The following GLI3 variants were observed in gnomAD, a reference collection of about 807,000 sequenced individuals.
GLI3 encodes GLI family zinc finger 3.
In GLI3, 20 loss-of-function variants were observed where a neutral mutation model predicts 100.8. The ratio of observed to expected loss-of-function variants is 0.20; its 90% CI spans 0.14 to 0.29. The LOEUF (loss-of-function observed/expected upper bound fraction) is 0.29. Among genes scored for constraint, GLI3 ranks in the 10% least tolerant of loss-of-function variants. The probability of loss-of-function intolerance (pLI) is 1.00; values close to 1 mark genes in which losing one functional copy is unlikely to be tolerated. For missense variants in GLI3, 2,040 were observed against 2,128.5 expected (o/e 0.96, Z 0.82); for synonymous variants, 938 against 860.5 (o/e 1.09, Z -1.58).
intron 10 of GLI3, among the ~76,000 whole-genome samples, chr7:42,012,858 C>G (rs1788657537): frequency 6.6e-6 from 1 of 152,162 alleles, no homozygotes. Context: ...CCAGAGGAAC[C>G]TGTGCAAACT....
At chr7:42,068,434 G>A (rs1473346263) in intron 4 of GLI3, among the ~76,000 whole-genome samples, 1 of 152,118 alleles carries the variant, frequency 6.6e-6, no homozygotes. Context: ...AGTTTTCTCA[G>A]AGCTCCAAGG....
At chr7:42,250,766 G>C (rs79744695) in intron 1 of GLI3, among the ~76,000 whole-genome samples, 9,760 of 152,236 alleles carry the variant, frequency 0.064, 432 homozygotes, top group Non-Finnish European at 0.096. Context: ...AAAGGCGGGT[G>C]GGGGGGCTGC....
intron 2 of GLI3, among the ~76,000 whole-genome samples, chr7:42,189,677 T>A (rs1787786998): frequency 6.6e-6 from 1 of 152,148 alleles, no homozygotes; most frequent in Non-Finnish European, 1.5e-5. Context: ...GGAAACAGGC[T>A]CAAAACACAG....
At chr7:42,076,946 T>C (rs1252924118) in intron 3 of GLI3, 89 bp from the exon 4 acceptor site, 2 of 788,198 alleles carry the variant, frequency 2.5e-6, no homozygotes, top group Non-Finnish European at 4.5e-6. Context: ...TACTATTGTA[T>C]CTTCACTACC....
At chr7:42,004,931 G>A (rs922699495) in intron 10 of GLI3, among the ~76,000 whole-genome samples, 1 of 152,082 alleles carries the variant, frequency 6.6e-6, no homozygotes, top group Non-Finnish European at 1.5e-5. Flanking sequence ...AATTATATCT[G>A]AAAGGAACAA....
intron 12 of GLI3, 75 bp downstream of exon 12, chr7:41,977,483 C>A: frequency 4.1e-6 from 6 of 1,447,522 alleles, no homozygotes; most frequent in Non-Finnish European, 3.9e-6. Context: ...GAACACACTG[C>A]GCCTTCCCAT....
chr7:42,239,984 T>C (rs1019946229), upstream of GLI3, among the ~76,000 whole-genome samples: 4 of 152,190 alleles, frequency 2.6e-5, no homozygotes, highest in Admixed American at 6.5e-5. Flanking sequence ...GAAGAGTTAT[T>C]ATGGTTGAAA....
chr7:42,223,208 CT>C lies in GLI3; in HGVS notation c.45del (p.Val16LeufsTer5). The stretch of plus-strand genomic sequence containing the variant: ...GAGCACTTCACTATGGAATTCTCAA[CT>C]TTTTTCTTTTCAGTGGTCGTGGAGC... ...SHSSTTTEKKKVENSIVKCST... is the reference protein window; with the variant it reads ...SHSSTTTEKKXVENSIVKCST... On this transcript the variant is annotated frameshift_variant, in exon 2 of 15. Transcript: ENST00000395925. LOFTEE classifies it high-confidence loss of function. 1.2e-6 allele frequency: 2 copies of C among 1,613,914 alleles called. No individual in the cohort carries two copies. The highest frequency in any genetic ancestry group is 1.7e-6 in the Non-Finnish European group (2 of 1,179,888).
intron 1 of GLI3, among the ~76,000 whole-genome samples, chr7:42,246,657 A>C (rs953586540): frequency 6.6e-6 from 1 of 152,080 alleles, no homozygotes; most frequent in African/African-American, 2.4e-5. Flanking sequence ...CATTGGACTC[A>C]TGACTTGCAA....
At chr7:42,184,664 A>G (rs1279327948) in intron 2 of GLI3, among the ~76,000 whole-genome samples, 1 of 152,182 alleles carries the variant, frequency 6.6e-6, no homozygotes, top group African/African-American at 2.4e-5. Context: ...AGAGACACAG[A>G]CACCCTTTAG....
chr7:42,115,938 T>C (rs1227825589), intron 3 of GLI3, among the ~76,000 whole-genome samples: 1 of 152,056 alleles, frequency 6.6e-6, no homozygotes, highest in East Asian at 1.9e-4. Context: ...ATAGAGATTG[T>C]TGTGGGTTGT....
chr7:41,987,374 G>A (rs747815766), intron 10 of GLI3, among the ~76,000 whole-genome samples: 10 of 152,044 alleles, frequency 6.6e-5, no homozygotes, highest in Admixed American at 2.0e-4. Context: ...TCACTGTATT[G>A]GCCAGGCTGG....
intron 10 of GLI3, among the ~76,000 whole-genome samples, chr7:42,015,513 G>A (rs903335977): frequency 2.6e-5 from 4 of 151,728 alleles, no homozygotes; most frequent in Non-Finnish European, 5.9e-5. Context: ...TTCTGTTCCC[G>A]GAGCTCTGTT....
chr7:41,965,893 G>A lies in GLI3; in HGVS notation c.3180C>T (p.Phe1060=). Residue 1060 remains phenylalanine (F), a synonymous_variant, in exon 15 of 15, where the codon TTC becomes TTT. Transcript: ENST00000395925. ...TGCTGGGAGGACAGGGGGACGAGTG[G>A]AAGTTTCGGGACTGGCCGCCCTCGG... The part of the protein sequence containing the change: ...TRPEGGQSRN[F]HSSPCPPSIT... The A allele has an allele frequency of 1.2e-6, 2 of 1,613,798 alleles. No homozygotes were observed. The highest frequency in any genetic ancestry group is 2.2e-5 in the East Asian group (1 of 44,854).
At chr7:42,039,910 T>C (rs1396802899) in intron 7 of GLI3, 128 bp downstream of exon 7, 1 of 752,452 alleles carries the variant, frequency 1.3e-6, no homozygotes, top group African/African-American at 1.7e-5. Context: ...CCTCTTGGTA[T>C]AGGCACAGCA....
intron 1 of GLI3, among the ~76,000 whole-genome samples, chr7:42,249,380 A>AT (rs1279603364): frequency 2.0e-5 from 3 of 152,014 alleles, no homozygotes; most frequent in East Asian, 1.9e-4. Context: ...TCCTTATCTG[A>AT]TTTTTTCCCC....
At chr7:42,133,222 T>C (rs1786338293) in intron 3 of GLI3, among the ~76,000 whole-genome samples, 1 of 152,232 alleles carries the variant, frequency 6.6e-6, no homozygotes, top group Non-Finnish European at 1.5e-5. Flanking sequence ...AGAACAACTC[T>C]GTTTCTACTT....
intron 10 of GLI3, among the ~76,000 whole-genome samples, chr7:41,995,540 G>A (rs1490179594): frequency 6.6e-6 from 1 of 152,080 alleles, no homozygotes; most frequent in Admixed American, 6.6e-5. Context: ...GCATAGATAA[G>A]AACAAAATTC....
At chr7:42,033,346 A>G (rs951585391) in intron 7 of GLI3, among the ~76,000 whole-genome samples, 13 of 152,222 alleles carry the variant, frequency 8.5e-5, no homozygotes, top group Admixed American at 6.5e-5. Flanking sequence ...AATTTTTTCA[A>G]CATCCTTAAA....
Sources: gnomAD v4.1 joint callset for allele counts (sites outside exome capture counted in the v4.1 genomes callset) on GRCh38, gnomAD v4.1.1 for gene constraint, MANE v1.5 for transcripts, NCBI Gene and HGNC (gene_info 2026-07-23, HGNC 2026-07-21) for gene names.